PANX1: variants seen among roughly 807,000 people sequenced by gnomAD.
PANX1 encodes pannexin 1.
In PANX1, 30 loss-of-function variants were observed where a neutral mutation model predicts 38.7. The observed-to-expected ratio is 0.78, with a 90% CI of 0.58 to 1.05. PANX1 has a LOEUF of 1.05. Ranked by LOEUF, PANX1 falls within the 50% of genes least tolerant of loss-of-function variation. PANX1 has a pLI of 0.00. For missense variants in PANX1, 551 were observed against 517.2 expected, an observed-to-expected ratio of 1.07 and a Z score of -0.63; for synonymous variants, 230 against 212.2, an observed-to-expected ratio of 1.08 and a Z score of -0.73.
At chr11:94,178,651 T>A in intron 3 of PANX1, 59 bp downstream of exon 3, 1 of 1,328,752 alleles carries the variant, frequency 7.5e-7, no homozygotes, top group Non-Finnish European at 1.1e-6. Flanking sequence ...TCTGCCCTTC[T>A]ACTGCCAGTC....
intron 1 of PANX1, among the ~76,000 whole-genome samples, chr11:94,133,845 AG>A (rs1358909770): frequency 3.3e-5 from 5 of 152,128 alleles, no homozygotes; most frequent in Non-Finnish European, 7.4e-5. Flanking sequence ...ATAGGAATTT[AG>A]TGAAGGAAGT....
At chr11:94,137,266 T>G (rs1470223247) in intron 1 of PANX1, among the ~76,000 whole-genome samples, 1 of 152,150 alleles carries the variant, frequency 6.6e-6, no homozygotes, top group African/African-American at 2.4e-5. Context: ...ATCATGCCAC[T>G]GTACTCCAGC....
chr11:94,132,123 T>G (rs1483949294), intron 1 of PANX1, among the ~76,000 whole-genome samples: 2 of 152,180 alleles, frequency 1.3e-5, no homozygotes, highest in Non-Finnish European at 2.9e-5. Context: ...TCTATAAACA[T>G]TTGTTGTGAA....
chr11:94,161,864 T>C (rs1947041696), intron 2 of PANX1, among the ~76,000 whole-genome samples: 1 of 152,190 alleles, frequency 6.6e-6, no homozygotes, highest in African/African-American at 2.4e-5. Context: ...CTACCTTTGG[T>C]CTTTGATGAT....
rs1056802010 is a variant in PANX1 at position 94,171,817 on chromosome 11, A to G, written c.322-6552A>G. On this transcript the variant is annotated intron_variant, in intron 2 of 4. Transcript: ENST00000227638. ...CACTACTGATGACCTCTAAGGACAC[A>G]CTGTGAGGCCTTTGCTGGAGATGTG... is the stretch of plus-strand genomic sequence containing the variant. Among the ~76,000 whole-genome samples, 84 of 147,944 alleles carry G rather than the reference A, an allele frequency of 5.7e-4. 5 individuals carry two copies. Among genetic ancestry groups the G allele is most frequent in the African/African-American group, 2.0e-3 (80 of 39,188 alleles).
chr11:94,145,689 A>T (rs1447903358), intron 1 of PANX1, among the ~76,000 whole-genome samples: 1 of 152,216 alleles, frequency 6.6e-6, no homozygotes, highest in Non-Finnish European at 1.5e-5. Context: ...ATAGTTGTTG[A>T]CATAGTGTCC....
In PANX1 at chr11:94,179,966, G is replaced by C. The variant is rs761907786; in HGVS notation, c.910G>C (p.Asp304His). The change falls in exon 4 of 5, where the codon GAT becomes CAT. Residue 304 changes from aspartate (D) to histidine (H), a missense_variant. By Grantham distance (81) the Asp-to-His change is moderately conservative (BLOSUM62 -1). Transcript: ENST00000227638. Reference sequence around the variant, plus strand: ...GTTTGTTCCATTCCGACAGAAGACAGATGTTCTCAAAGTGTACGAAATCCT... The same window carrying C: ...GTTTGTTCCATTCCGACAGAAGACACATGTTCTCAAAGTGTACGAAATCCT... Reference protein sequence around the residue: ...TLFVPFRQKTDVLKVYEILPT... With the variant: ...TLFVPFRQKTHVLKVYEILPT... 6.3e-7 allele frequency: 1 copy of C among 1,599,150 alleles called. No homozygotes were observed. Among genetic ancestry groups the C allele is most frequent in the Admixed American group, 1.7e-5 (1 of 59,302 alleles).
chr11:94,149,919 G>C (rs182710884), intron 1 of PANX1, among the ~76,000 whole-genome samples: 3 of 152,340 alleles, frequency 2.0e-5, no homozygotes, highest in Admixed American at 6.5e-5. Context: ...TTCAGAGACA[G>C]AATATGTCTT....
At chr11:94,174,445 A>AG (rs768625362) in intron 2 of PANX1, among the ~76,000 whole-genome samples, 1 of 151,590 alleles carries the variant, frequency 6.6e-6, no homozygotes, top group African/African-American at 2.4e-5. Context: ...TCTTAACATA[A>AG]GGCTTTGTTT....
intron 1 of PANX1, among the ~76,000 whole-genome samples, chr11:94,137,748 A>G (rs983760566): frequency 1.3e-5 from 2 of 150,110 alleles, no homozygotes; most frequent in African/African-American, 2.5e-5. Context: ...TTTAAAATAT[A>G]AATATTTATA....
Position 94,153,571 on chromosome 11 carries a change from G to T in PANX1, c.262G>T (p.Val88Phe), listed in dbSNP as rs150832252. The change falls in exon 2 of 5, where the codon GTT (valine) becomes TTT (phenylalanine). Residue 88 changes from valine (V) to phenylalanine (F), a missense_variant. Coordinates refer to ENST00000227638, the MANE Select transcript of PANX1 (RefSeq NM_015368.4). ...AFVDSYCWAAVQQKNSLQSES... is the reference protein window; with the variant it reads ...AFVDSYCWAAFQQKNSLQSES... The stretch of plus-strand genomic sequence containing the variant: ...TGTGGATTCATATTGCTGGGCGGCT[G>T]TTCAGCAGAAGAACTCACTGCAGAG... 128 of 1,613,964 alleles carry T rather than the reference G, an allele frequency of 7.9e-5. No homozygotes were observed. Among genetic ancestry groups the T allele is most frequent in the Non-Finnish European group, 1.1e-4 (124 of 1,179,986 alleles).
intron 2 of PANX1, among the ~76,000 whole-genome samples, chr11:94,158,388 C>T (rs182300424): frequency 4.6e-5 from 7 of 152,238 alleles, no homozygotes; most frequent in Admixed American, 1.3e-4. Context: ...GAGCATGGAA[C>T]GTTCTTCCAT....
rs1266405316 is a variant in PANX1, at chr11:94,128,874, G to C, written c.-439G>C. On this transcript the variant is annotated 5_prime_UTR_variant, in exon 1 of 5. Transcript: ENST00000227638. Reference sequence around the variant, plus strand: ...TTTCCCCGCATGGTTCCGGAAGAGCGCGGCGCAGCTGGCTGTGAGCGCAGG... The same window carrying C: ...TTTCCCCGCATGGTTCCGGAAGAGCCCGGCGCAGCTGGCTGTGAGCGCAGG... The C allele has an allele frequency of 6.5e-6, 1 of 153,512 alleles. No homozygotes were observed. Among genetic ancestry groups the C allele is most frequent in the African/African-American group, 2.4e-5 (1 of 41,504 alleles). The allele number at this position is 153,512 out of a possible 1,614,324, so 9.5% of individuals were successfully genotyped here. A position where few individuals can be genotyped will look rare whatever the true frequency, so the allele number is the denominator to read the frequency against.
Position 94,143,069 on chromosome 11 carries a change from C to G in PANX1, c.182-10422C>G, listed in dbSNP as rs372609419. Reference sequence around the variant, plus strand: ...CAGTTGTCTACATAATAGTAACAGTCATTGTAAGTCCTTTTCATGTTGCCA... The same window carrying G: ...CAGTTGTCTACATAATAGTAACAGTGATTGTAAGTCCTTTTCATGTTGCCA... On this transcript the variant is annotated intron_variant, in intron 1 of 4. Coordinates refer to ENST00000227638, the MANE Select transcript of PANX1 (RefSeq NM_015368.4). Among the ~76,000 whole-genome samples the G allele has an allele frequency of 5.9e-5, 9 of 152,336 alleles. No homozygotes were observed. In the East Asian group the frequency reaches 1.5e-3, roughly 26 times the overall value.
In PANX1 at chr11:94,129,177, G is replaced by GGCAGGCGGGATGCGGGA. The variant is rs1946593020; in HGVS notation, c.-129_-113dup. 1 of 652,556 alleles carries GGCAGGCGGGATGCGGGA rather than the reference G, an allele frequency of 1.5e-6. No individual in the cohort carries two copies. Among genetic ancestry groups the GGCAGGCGGGATGCGGGA allele is most frequent in the Non-Finnish European group, 2.5e-6 (1 of 400,014 alleles). 40.4% of individuals were successfully genotyped at this position (652,556 alleles called of 1,614,324 possible). A position where few individuals can be genotyped will look rare whatever the true frequency, so the allele number is the denominator to read the frequency against. ...GGAGCCTGAGGCACCGAGACACAAA[G>GGCAGGCGGGATGCGGGA]GCAGGCGGGATGCGGGAGCAGGCAA... On this transcript the variant is annotated 5_prime_UTR_variant, in exon 1 of 5. The change creates a new upstream start codon in the 5' untranslated region. Transcript: ENST00000227638.
chr11:94,172,373 G>GC (rs1464542171), intron 2 of PANX1, among the ~76,000 whole-genome samples: 1 of 151,738 alleles, frequency 6.6e-6, no homozygotes, highest in African/African-American at 2.4e-5. Context: ...CTCTGATTCA[G>GC]CAGGTCTGAT....
chr11:94,136,162 T>C lies in PANX1; in HGVS notation c.181+6669T>C, dbSNP rs76106134. On this transcript the variant is annotated intron_variant, in intron 1 of 4. Transcript: ENST00000227638. Reference sequence around the variant, plus strand: ...GATGACATCATTTTCCGAATAGTTTTGCATTCCTGCGTTCCTATTTGAAAT... The same window carrying C: ...GATGACATCATTTTCCGAATAGTTTCGCATTCCTGCGTTCCTATTTGAAAT... Among the ~76,000 whole-genome samples the C allele has an allele frequency of 6.7e-3, 1,013 of 152,238 alleles. 10 individuals carry two copies. Among genetic ancestry groups the C allele is most frequent in the African/African-American group, 0.023 (940 of 41,544 alleles).
intron 3 of PANX1, 86 bp downstream of exon 3, chr11:94,178,678 AT>A: frequency 9.5e-7 from 1 of 1,049,440 alleles, no homozygotes; most frequent in Non-Finnish European, 1.4e-6. Flanking sequence ...CAGAGTTCTC[AT>A]TGCTAGGAGG....
intron 2 of PANX1, among the ~76,000 whole-genome samples, chr11:94,162,905 T>G (rs1947063299): frequency 7.6e-6 from 1 of 131,166 alleles, no homozygotes; most frequent in East Asian, 2.1e-4. Flanking sequence ...AGGGTCTCAC[T>G]TTGTCACCCA....
Sources: gnomAD v4.1 joint callset for allele counts (sites outside exome capture counted in the v4.1 genomes callset) on GRCh38, gnomAD v4.1.1 for gene constraint, MANE v1.5 for transcripts, NCBI Gene and HGNC (gene_info 2026-07-23, HGNC 2026-07-21) for gene names.